ZNF367: variants seen among roughly 807,000 people sequenced by gnomAD.
ZNF367 encodes C2H2 zinc finger protein ZFF29.
Under a neutral mutation model 31.8 loss-of-function variants are expected in ZNF367, and 11 were observed. The ratio of observed to expected loss-of-function variants is 0.35; its 90% CI spans 0.22 to 0.57. The LOEUF (loss-of-function observed/expected upper bound fraction) is 0.57. ZNF367 is among the 20% of genes least tolerant of loss of function. The pLI, the probability that ZNF367 is intolerant of heterozygous loss-of-function variation, is 0.85. For synonymous variants in ZNF367, 199 were observed against 202.4 expected, an observed-to-expected ratio of 0.98 and a Z score of 0.14; for missense variants, 353 against 484.1, an observed-to-expected ratio of 0.73 and a Z score of 2.54.
At chr9:96,404,461 C>T (rs1587746304) in intron 1 of ZNF367, among the ~76,000 whole-genome samples, 1 of 151,972 alleles carries the variant, frequency 6.6e-6, no homozygotes, top group Non-Finnish European at 1.5e-5. Context: ...GGCGCGGTGG[C>T]GGGCACCTGT....
chr9:96,389,896 ATTTTTTTTTTTTT>A (rs777507011), intron 4 of ZNF367, among the ~76,000 whole-genome samples: 1 of 94,052 alleles, frequency 1.1e-5, no homozygotes, highest in Non-Finnish European at 2.1e-5. Flanking sequence ...TGCCTGGCTA[ATTTTTTTTTTTTT>A]TTTTTTTTTT....
In ZNF367 at chr9:96,390,451, C is replaced by G. The variant is rs1831459183; in HGVS notation, c.830+1947G>C. 2.0e-5 allele frequency among the ~76,000 whole-genome samples: 3 copies of G among 152,218 alleles called. No homozygotes were observed. The South Asian group carries it at 6.2e-4, about 32-fold the overall frequency. ...TGAATTCCATAATAAAGGGTTTAGG[C>G]TTTAGACTGAGGATCATACTGACAT... On this transcript the variant is annotated intron_variant, in intron 4 of 4. Coordinates refer to ENST00000375256, the MANE Select transcript of ZNF367 (RefSeq NM_153695.4).
rs750089764 is a variant in ZNF367, at chr9:96,410,875, A to AAAAAC, written c.420+6733_420+6737dup. Among the ~76,000 whole-genome samples, 192 of 151,396 alleles carry AAAAAC rather than the reference A, an allele frequency of 1.3e-3. 1 individual carries two copies. Among genetic ancestry groups the AAAAAC allele is most frequent in the Admixed American group, 6.3e-3 (95 of 15,166 alleles). On this transcript the variant is annotated intron_variant, in intron 1 of 4. Coordinates refer to ENST00000375256, the MANE Select transcript of ZNF367 (RefSeq NM_153695.4). ...CCTGGCAACAGAGCGAGACTCTGTC[A>AAAAAC]AAAACAAAACAAAACAAAACAAAAC...
chr9:96,415,322 G>C (rs529437812), intron 1 of ZNF367, among the ~76,000 whole-genome samples: 3 of 148,760 alleles, frequency 2.0e-5, no homozygotes, highest in African/African-American at 7.4e-5. Context: ...CTGCCTCGGT[G>C]TCCCAAAGTG....
In ZNF367 at chr9:96,417,973, G is replaced by A. The variant is rs542454911; in HGVS notation, c.60C>T (p.Val20=). Residue 20 remains valine (V), a synonymous_variant, in exon 1 of 5, where the codon GTC becomes GTT. Coordinates refer to ENST00000375256, the MANE Select transcript of ZNF367 (RefSeq NM_153695.4). This position sits in a 1 kb window ranked among gnomAD's most constrained non-coding sequence, Gnocchi z 5.0. The part of the protein sequence containing the change: ...AENPPPPPPP[V]IFCHDSPKRV... ...GCTTCGGGGAGTCGTGGCAGAAGAT[G>A]ACGGGCGGCGGCGGCGGCGGCGGGT... 1 of 1,463,422 alleles carries A rather than the reference G, an allele frequency of 6.8e-7. No individual in the cohort carries two copies. The highest frequency in any genetic ancestry group is 9.0e-7 in the Non-Finnish European group (1 of 1,114,410). The allele number at this position is 1,463,422 out of a possible 1,614,324, so 90.7% of individuals were successfully genotyped here. A position where few individuals can be genotyped will look rare whatever the true frequency, so the allele number is the denominator to read the frequency against.
intron 1 of ZNF367, among the ~76,000 whole-genome samples, chr9:96,414,586 T>C (rs528496955): frequency 6.6e-6 from 1 of 152,254 alleles, no homozygotes; most frequent in South Asian, 2.1e-4. Flanking sequence ...CATGTGATTC[T>C]CCTGCCTTAG....
Position 96,418,317 on chromosome 9 carries a change from G to C in ZNF367, c.-285C>G. On this transcript the variant is annotated 5_prime_UTR_variant, in exon 1 of 5. Coordinates refer to ENST00000375256, the MANE Select transcript of ZNF367 (RefSeq NM_153695.4). ...GGCGGCCCGGCCCTTGCGGTGACAG[G>C]AAAGCAGGACGCGCGGCGCTGAGCC... The C allele has an allele frequency of 2.6e-6, 1 of 391,108 alleles. No individual in the cohort carries two copies. The highest frequency in any genetic ancestry group is 4.5e-6 in the Non-Finnish European group (1 of 224,480). The allele number at this position is 391,108 out of a possible 1,614,324, so 24.2% of individuals were successfully genotyped here.
intron 1 of ZNF367, among the ~76,000 whole-genome samples, chr9:96,404,376 C>T (rs1376340179): frequency 6.6e-6 from 1 of 152,026 alleles, no homozygotes; most frequent in Non-Finnish European, 1.5e-5. Flanking sequence ...GAGTGGATTA[C>T]GAGGTCAAGA....
At position 96,387,925 on chromosome 9, in the gene ZNF367, G is replaced by A. The variant is rs751595812; in HGVS notation, c.*312C>T. The A allele has an allele frequency of 3.4e-6, 1 of 292,316 alleles. No individual in the cohort carries two copies. The highest frequency in any genetic ancestry group is 6.3e-6 in the Non-Finnish European group (1 of 158,842). 18.1% of individuals were successfully genotyped at this position (292,316 alleles called of 1,614,324 possible). ...CAAACAAGTGTCTTATTCAGAAAGT[G>A]CTTCCTGTGAGAACTGCTTCCAATG... On this transcript the variant is annotated 3_prime_UTR_variant, in exon 5 of 5. Coordinates refer to ENST00000375256, the MANE Select transcript of ZNF367 (RefSeq NM_153695.4).
In ZNF367 at chr9:96,418,026, G is replaced by T. The variant is rs1034789910; in HGVS notation, c.7C>A (p.Arg3=). The change falls in exon 1 of 5, where the codon CGG becomes AGG. Residue 3 remains arginine, a synonymous_variant. Transcript: ENST00000375256. ...TCCGCCATGGGCGCCTCGAAGCCCC[G>T]GATCATCGCCCGGCCCGACCCCCAG... MI[R]GFEAPMAENP... 5.1e-6 allele frequency: 7 copies of T among 1,375,102 alleles called. No homozygotes were observed. Among genetic ancestry groups the T allele is most frequent in the Non-Finnish European group, 6.5e-6 (7 of 1,071,098 alleles). 85.2% of individuals were successfully genotyped at this position (1,375,102 alleles called of 1,614,324 possible). A position where few individuals can be genotyped will look rare whatever the true frequency, so the allele number is the denominator to read the frequency against.
At chr9:96,395,663 A>G (rs1257405991) in intron 2 of ZNF367, among the ~76,000 whole-genome samples, 2 of 152,248 alleles carry the variant, frequency 1.3e-5, no homozygotes, top group East Asian at 3.9e-4. Context: ...TCTCAGTGAG[A>G]TTCTTCCTAT....
chr9:96,408,718 T>C (rs777816419), intron 1 of ZNF367, among the ~76,000 whole-genome samples: 7 of 152,190 alleles, frequency 4.6e-5, no homozygotes, highest in Non-Finnish European at 8.8e-5. Flanking sequence ...AACACTACTG[T>C]ACTGTATACT....
intron 1 of ZNF367, among the ~76,000 whole-genome samples, chr9:96,398,878 G>A (rs1010456968): frequency 5.9e-5 from 9 of 152,136 alleles, no homozygotes; most frequent in Admixed American, 5.9e-4. Context: ...GAGCCTGCGG[G>A]TTACCTAAAG....
chr9:96,398,451 G>T, intron 1 of ZNF367, 137 bp from the exon 2 acceptor site: 3 of 660,986 alleles, frequency 4.5e-6, no homozygotes, highest in Non-Finnish European at 7.1e-6. Context: ...AGCTATTTAG[G>T]AGGCTGAGGT....
At chr9:96,415,221 ATTTTTTTTT>A (rs775576212) in intron 1 of ZNF367, among the ~76,000 whole-genome samples, 1 of 128,902 alleles carries the variant, frequency 7.8e-6, no homozygotes, top group Admixed American at 7.9e-5. Context: ...CCCCTGGCCA[ATTTTTTTTT>A]TTTTTTTTTT....
chr9:96,408,135 A>T lies in ZNF367; in HGVS notation c.420+9478T>A, dbSNP rs373748418. Among the ~76,000 whole-genome samples, 23 of 152,240 alleles carry T rather than the reference A, an allele frequency of 1.5e-4. No individual in the cohort carries two copies. The East Asian group carries it at 4.4e-3, about 29-fold the overall frequency. ...TAAATGACGAGTTAATGGGTGCAGC[A>T]CACCAACATGGCACATGTATACATA... is the stretch of plus-strand genomic sequence containing the variant. On this transcript the variant is annotated intron_variant, in intron 1 of 4. Transcript: ENST00000375256.
intron 1 of ZNF367, among the ~76,000 whole-genome samples, chr9:96,408,637 G>C (rs1466025484): frequency 6.6e-6 from 1 of 152,212 alleles, no homozygotes; most frequent in Admixed American, 6.5e-5. Flanking sequence ...GGCAAGTTCA[G>C]TGAGTATAGA....
rs1402244701 is a variant in ZNF367, at chr9:96,386,688, G to C, written c.*1549C>G. ...ATCATACACATTATTCGTAACTATC[G>C]TATCTTCTTTCATACTTTTTCTCCT... is the stretch of plus-strand genomic sequence containing the variant. On this transcript the variant is annotated 3_prime_UTR_variant, in exon 5 of 5. Transcript: ENST00000375256. 1 of 151,954 alleles carries C rather than the reference G, an allele frequency of 6.6e-6. No homozygotes were observed. The highest frequency in any genetic ancestry group is 2.4e-5 in the African/African-American group (1 of 41,360). 9.4% of individuals were successfully genotyped at this position (151,954 alleles called of 1,614,324 possible).
chr9:96,409,576 A>T (rs150689145), intron 1 of ZNF367, among the ~76,000 whole-genome samples: 43 of 152,376 alleles, frequency 2.8e-4, no homozygotes, highest in African/African-American at 8.7e-4. Flanking sequence ...TTAATTACTC[A>T]AGAAATTCCC....
Sources: allele counts gnomAD v4.1 joint callset (sites outside exome capture counted in the v4.1 genomes callset), GRCh38; gene constraint gnomAD v4.1.1; non-coding constraint Gnocchi (gnomAD v3.1); transcripts MANE v1.5; gene names NCBI Gene and HGNC (gene_info 2026-07-23, HGNC 2026-07-21).